The following MTMR3 variants were observed in gnomAD, a reference collection of about 807,000 sequenced individuals.
MTMR3 encodes the protein phosphatidylinositol-3,5-bisphosphate 3-phosphatase MTMR3.
A neutral mutation model predicts 132.4 loss-of-function variants in MTMR3; 32 were observed. The ratio of observed to expected loss-of-function variants is 0.24; its 90% CI spans 0.18 to 0.32. The LOEUF (loss-of-function observed/expected upper bound fraction) is 0.32. Among genes scored for constraint, MTMR3 ranks in the 10% least tolerant of loss-of-function variants. MTMR3 has a pLI of 1.00. For synonymous variants in MTMR3, 556 were observed against 550.3 expected, an observed-to-expected ratio of 1.01 and a Z score of -0.14; for missense variants, 1,216 against 1,489.6, an observed-to-expected ratio of 0.82 and a Z score of 3.02.
chr22:30,016,475 A>C (rs1445833747), intron 14 of MTMR3, 53 bp from the exon 15 acceptor site: 3 of 1,584,212 alleles, frequency 1.9e-6, no homozygotes, highest in Non-Finnish European at 1.7e-6. Context: ...GAGCTGACTT[A>C]TCAGAGTGTG....
intron 1 of MTMR3, among the ~76,000 whole-genome samples, chr22:29,886,503 C>A (rs550906004): frequency 6.6e-6 from 1 of 152,256 alleles, no homozygotes; most frequent in African/African-American, 2.4e-5. Context: ...TTGGGAATGT[C>A]ACTTAACTTC....
chr22:30,016,414 A>G lies in MTMR3; in HGVS notation c.1504-114A>G. ...ATGGCTTACTGGGTTCCCCGTCCTG[A>G]CAGAGTAAATTGAAGTGTTCTCAGG... On this transcript the variant is annotated intron_variant, in intron 14 of 19. Transcript: ENST00000401950. 4 of 1,242,060 alleles carry G rather than the reference A, an allele frequency of 3.2e-6. No homozygotes were observed. In the South Asian group the frequency reaches 5.8e-5, roughly 18 times the overall value. The allele number at this position is 1,242,060 out of a possible 1,614,324, so 76.9% of individuals were successfully genotyped here.
chr22:29,939,276 A>G (rs1364579144), intron 1 of MTMR3, among the ~76,000 whole-genome samples: 4 of 152,212 alleles, frequency 2.6e-5, no homozygotes, highest in Admixed American at 1.3e-4. Context: ...TCATGGTTCA[A>G]ACTATTTTTA....
At chr22:29,884,995 C>T (rs756595366) in intron 1 of MTMR3, among the ~76,000 whole-genome samples, 5 of 152,134 alleles carry the variant, frequency 3.3e-5, no homozygotes, top group Non-Finnish European at 7.3e-5. Context: ...TTTCAGGTGA[C>T]TCAGAGAACT....
intron 3 of MTMR3, among the ~76,000 whole-genome samples, chr22:29,972,112 A>T (rs967143177): frequency 5.9e-5 from 9 of 152,354 alleles, no homozygotes; most frequent in African/African-American, 2.2e-4. Context: ...TTACAACTTT[A>T]TGATTTATCT....
intron 5 of MTMR3, chr22:29,984,976 G>A (rs886998157): frequency 1.3e-5 from 2 of 152,216 alleles, no homozygotes; most frequent in African/African-American, 4.8e-5. Context: ...TTAGCTTATA[G>A]TGTAGTAGTT....
intron 12 of MTMR3, 91 bp downstream of exon 12, chr22:30,009,220 A>G (rs757082512): frequency 8.9e-5 from 82 of 925,718 alleles, no homozygotes; most frequent in Non-Finnish European, 1.3e-4. Flanking sequence ...AAAGAAAAAA[A>G]AATTAATTTG....
intron 1 of MTMR3, among the ~76,000 whole-genome samples, chr22:29,890,126 T>C (rs1312432254): frequency 1.3e-5 from 2 of 151,844 alleles, no homozygotes; most frequent in Non-Finnish European, 2.9e-5. Flanking sequence ...CAGGATGGCC[T>C]CGATCTCCTG....
chr22:29,950,245 T>A (rs1383271930), intron 1 of MTMR3, among the ~76,000 whole-genome samples: 1 of 152,256 alleles, frequency 6.6e-6, no homozygotes, highest in Non-Finnish European at 1.5e-5. Context: ...AATGCTTGAA[T>A]GTCTGGATTT....
At chr22:29,920,223 A>AAG (rs397795126) in intron 1 of MTMR3, among the ~76,000 whole-genome samples, 1 of 150,490 alleles carries the variant, frequency 6.6e-6, no homozygotes, top group East Asian at 1.9e-4. Context: ...CAAAAAAAAA[A>AAG]ACAAAAAACC....
intron 1 of MTMR3, among the ~76,000 whole-genome samples, chr22:29,949,666 A>G (rs1020495906): frequency 1.3e-5 from 2 of 151,990 alleles, no homozygotes; most frequent in African/African-American, 4.8e-5. Context: ...ACTTTTTGAG[A>G]ACCTGTTTTT....
intron 6 of MTMR3, chr22:29,990,093 T>A (rs1293855977): frequency 6.6e-6 from 1 of 152,084 alleles, no homozygotes; most frequent in Non-Finnish European, 1.5e-5. Context: ...ATTAGCTGGG[T>A]GTGGTGGTGC....
rs1246201718 is a variant in MTMR3, at chr22:29,884,580, T to TTA, written c.-138+1221_-138+1222insTA. Among the ~76,000 whole-genome samples, 34 of 77,524 alleles carry TTA rather than the reference T, an allele frequency of 4.4e-4. 1 individual carries two copies. The highest frequency in any genetic ancestry group is 1.5e-3 in the African/African-American group (34 of 22,054). The allele number at this position is 77,524 out of a possible 152,430, so 50.9% of individuals were successfully genotyped here. On this transcript the variant is annotated intron_variant, in intron 1 of 19. Transcript: ENST00000401950. ...TTTTTTTTTTTTTTTTTTTTTTTTT[T>TTA]AAGACAGAATCTCTCTCTCCCGCCC... is the stretch of plus-strand genomic sequence containing the variant.
At chr22:29,955,519 A>T (rs2066170951) in intron 1 of MTMR3, among the ~76,000 whole-genome samples, 1 of 152,182 alleles carries the variant, frequency 6.6e-6, no homozygotes, top group South Asian at 2.1e-4. Context: ...TAAATACTTA[A>T]TAGCAAGACT....
At chr22:29,957,250 C>A (rs2066212568) in intron 2 of MTMR3, among the ~76,000 whole-genome samples, 162 bp downstream of exon 2, 1 of 124,982 alleles carries the variant, frequency 8.0e-6, no homozygotes, top group South Asian at 2.5e-4. Flanking sequence ...CTTTAATGTC[C>A]TTACATGTGA....
chr22:29,906,334 GTCTA>G (rs1363746975), intron 1 of MTMR3, among the ~76,000 whole-genome samples: 189 of 119,964 alleles, frequency 1.6e-3, no homozygotes, highest in South Asian at 2.9e-3. Context: ...CTATCTATCT[GTCTA>G]TCTATCTATC....
At chr22:30,019,387 G>C in intron 16 of MTMR3, 93 bp from the exon 17 acceptor site, 1 of 1,225,978 alleles carries the variant, frequency 8.2e-7, no homozygotes. Context: ...AATGGACCCA[G>C]TTATGAAACA....
intron 1 of MTMR3, among the ~76,000 whole-genome samples, chr22:29,921,227 C>T (rs79222845): frequency 2.6e-5 from 4 of 151,948 alleles, no homozygotes; most frequent in Non-Finnish European, 5.9e-5. Flanking sequence ...GGGGAACAGG[C>T]GTGTCATGTG....
intron 7 of MTMR3, 55 bp downstream of exon 7, chr22:29,991,725 A>T (rs2066964911): frequency 7.4e-6 from 11 of 1,488,488 alleles, no homozygotes; most frequent in Middle Eastern, 3.6e-4. Flanking sequence ...CTACTGATGG[A>T]GGTACTTTTA....
Sources: gnomAD v4.1 joint callset for allele counts (sites outside exome capture counted in the v4.1 genomes callset) on GRCh38, gnomAD v4.1.1 for gene constraint, MANE v1.5 for transcripts, NCBI Gene and HGNC (gene_info 2026-07-23, HGNC 2026-07-21) for gene names.